The following VPS13B variants were observed in gnomAD, a reference collection of about 807,000 sequenced individuals.
The protein encoded by VPS13B is intermembrane lipid transfer protein VPS13B.
A neutral mutation model predicts 426.4 loss-of-function variants in VPS13B; 285 were observed. The observed-to-expected ratio is 0.67, with a 90% CI of 0.61 to 0.74. The LOEUF (loss-of-function observed/expected upper bound fraction) is 0.74. VPS13B is among the 30% of genes least tolerant of loss of function. VPS13B has a pLI of 0.00. For synonymous variants in VPS13B, 1,676 were observed against 1,676.4 expected, an observed-to-expected ratio of 1.00 and a Z score of 0.01; for missense variants, 4,537 against 4,782.6, an observed-to-expected ratio of 0.95 and a Z score of 1.51.
chr8:99,861,775 GGT>G lies in VPS13B; in HGVS notation c.11045_11046del (p.Gly3682AspfsTer23), dbSNP rs757795562. The G allele has an allele frequency of 1.3e-6, 2 of 1,592,920 alleles. No individual in the cohort carries two copies. The highest frequency in any genetic ancestry group is 1.7e-6 in the Non-Finnish European group (2 of 1,169,592). ...CTAACCCCATGCTCTTGTTCCCTCA[GGT>G]ACCCTCACATCCATCACCAACCTCG... ...TTSFVKHISK[G>X]TLTSITNLAT... On this transcript the variant is annotated frameshift_variant and splice_region_variant, in exon 58 of 62. Transcript: ENST00000357162. LOFTEE classifies it high-confidence loss of function.
intron 17 of VPS13B, among the ~76,000 whole-genome samples, chr8:99,254,750 C>A (rs963563545): frequency 2.0e-5 from 3 of 151,976 alleles, no homozygotes; most frequent in Non-Finnish European, 2.9e-5. Context: ...TCAAGTGATT[C>A]TCCTGCCTCA....
intron 23 of VPS13B, among the ~76,000 whole-genome samples, chr8:99,465,681 G>T (rs1819078013): frequency 6.6e-6 from 1 of 151,906 alleles, no homozygotes; most frequent in African/African-American, 2.4e-5. Context: ...GACAAATTTG[G>T]CAGAGCCTTT....
chr8:99,372,986 A>C (rs770002738), intron 19 of VPS13B, among the ~76,000 whole-genome samples: 27 of 152,354 alleles, frequency 1.8e-4, no homozygotes, highest in Middle Eastern at 3.4e-3. Flanking sequence ...ATGCAGTCAC[A>C]AAAAAGAATG....
rs780680613 is a variant in VPS13B at position 99,502,875 on chromosome 8, C to G, written c.4082C>G (p.Ser1361Cys). The G allele has an allele frequency of 6.2e-7, 1 of 1,613,460 alleles. No homozygotes were observed. The highest frequency in any genetic ancestry group is 1.1e-5 in the South Asian group (1 of 91,056). Residue 1361 changes from serine (S) to cysteine (C), a missense_variant, in exon 27 of 62, where the codon TCC becomes TGC. By Grantham distance (112) the Ser-to-Cys change is moderately radical (BLOSUM62 -1). Transcript: ENST00000357162. ...MVSELEDLSASIDVQDVYTKV... is the reference protein window; with the variant it reads ...MVSELEDLSACIDVQDVYTKV... ...AGTGAACTAGAAGATCTCAGTGCTT[C>G]CATAGATGTCCAGGATGTATATACC...
intron 35 of VPS13B, among the ~76,000 whole-genome samples, chr8:99,698,553 TTAATAA>T (rs554524058): frequency 1.3e-3 from 195 of 152,338 alleles, no homozygotes; most frequent in African/African-American, 4.4e-3. Context: ...GATTTATAAC[TTAATAA>T]TAATATGCCT....
At chr8:99,014,531 A>G (rs1280415544) in intron 2 of VPS13B, among the ~76,000 whole-genome samples, 1 of 152,070 alleles carries the variant, frequency 6.6e-6, no homozygotes, top group Non-Finnish European at 1.5e-5. Context: ...TGTTCGGTCT[A>G]CTTACTCAAT....
chr8:99,821,518 C>T, intron 50 of VPS13B, 36 bp downstream of exon 50: 1 of 1,610,768 alleles, frequency 6.2e-7, no homozygotes, highest in Non-Finnish European at 8.5e-7. Context: ...GAGGAAATAG[C>T]ATGCCATCCC....
intron 33 of VPS13B, among the ~76,000 whole-genome samples, chr8:99,628,709 T>G (rs1474964821): frequency 6.6e-6 from 1 of 151,986 alleles, no homozygotes; most frequent in African/African-American, 2.4e-5. Context: ...GGATGTGATT[T>G]TAAAATGAAC....
intron 17 of VPS13B, among the ~76,000 whole-genome samples, chr8:99,237,966 A>G (rs1419503701): frequency 4.6e-5 from 7 of 150,888 alleles, no homozygotes; most frequent in South Asian, 2.1e-4. Flanking sequence ...TCTCATCCCT[A>G]CTTCCTATAG....
At chr8:99,558,356 A>C (rs1048034700) in intron 31 of VPS13B, among the ~76,000 whole-genome samples, 38 of 152,024 alleles carry the variant, frequency 2.5e-4, no homozygotes, top group African/African-American at 9.2e-4. Flanking sequence ...CACCCTCTTC[A>C]CTTGCCTAGC....
chr8:99,481,904 T>A, intron 25 of VPS13B, 102 bp downstream of exon 25: 1 of 1,338,918 alleles, frequency 7.5e-7, no homozygotes, highest in Non-Finnish European at 1.0e-6. Context: ...CTGTGAAAAC[T>A]GATAGATTCT....
At chr8:99,568,439 C>T (rs1360956125) in intron 31 of VPS13B, among the ~76,000 whole-genome samples, 6 of 151,820 alleles carry the variant, frequency 4.0e-5, no homozygotes, top group Admixed American at 3.3e-4. Context: ...TACAGGCCCA[C>T]GCCACCACGC....
At chr8:99,162,517 T>G (rs1674965415) in intron 15 of VPS13B, among the ~76,000 whole-genome samples, 1 of 152,036 alleles carries the variant, frequency 6.6e-6, no homozygotes, top group Non-Finnish European at 1.5e-5. Context: ...GTCTGGAGTC[T>G]GTCCCTTCTG....
At chr8:99,867,346 G>A (rs1817160061) in intron 58 of VPS13B, among the ~76,000 whole-genome samples, 3 of 152,186 alleles carry the variant, frequency 2.0e-5, no homozygotes, top group Admixed American at 2.0e-4. Context: ...GACTGCCTGA[G>A]GGGCTCCTTT....
chr8:99,205,876 G>C lies in VPS13B; in HGVS notation c.2515+12819G>C, dbSNP rs989623113. On this transcript the variant is annotated intron_variant, in intron 17 of 61. Transcript: ENST00000357162. ...TGTCTGCAATACCAAACTATCTCTG[G>C]TAAATGAGATCAGAAATAGAGTAAA... 5.9e-5 allele frequency among the ~76,000 whole-genome samples: 9 copies of C among 152,054 alleles called. No homozygotes were observed. In the East Asian group the frequency reaches 1.7e-3, roughly 30 times the overall value.
intron 54 of VPS13B, among the ~76,000 whole-genome samples, chr8:99,839,504 G>A (rs958930197): frequency 3.3e-5 from 5 of 152,084 alleles, no homozygotes; most frequent in African/African-American, 1.2e-4. Context: ...AAATTCTAAG[G>A]GCAATAAGTT....
chr8:99,124,980 A>C (rs1484617787), intron 8 of VPS13B, among the ~76,000 whole-genome samples: 4 of 152,152 alleles, frequency 2.6e-5, no homozygotes, highest in Non-Finnish European at 5.9e-5. Context: ...CAGACACAAA[A>C]GGACAAATAT....
intron 33 of VPS13B, among the ~76,000 whole-genome samples, chr8:99,599,152 A>T (rs1176724332): frequency 6.6e-6 from 1 of 152,014 alleles, no homozygotes; most frequent in Non-Finnish European, 1.5e-5. Flanking sequence ...ATTGTACTCA[A>T]GCTGGTAAGA....
intron 33 of VPS13B, among the ~76,000 whole-genome samples, chr8:99,583,606 GA>G (rs1355754545): frequency 6.6e-6 from 1 of 152,088 alleles, no homozygotes; most frequent in Non-Finnish European, 1.5e-5. Context: ...TCTTTTAGTA[GA>G]AAGTGAAAAA....
Sources: allele counts gnomAD v4.1 joint callset (sites outside exome capture counted in the v4.1 genomes callset), GRCh38; gene constraint gnomAD v4.1.1; transcripts MANE v1.5; gene names NCBI Gene and HGNC (gene_info 2026-07-23, HGNC 2026-07-21).